TRIM50: variants seen among roughly 807,000 people sequenced by gnomAD.
The protein encoded by TRIM50 is E3 ubiquitin-protein ligase TRIM50.
A neutral mutation model predicts 44.9 loss-of-function variants in TRIM50; 34 were observed. The observed-to-expected ratio is 0.76, with a 90% CI of 0.58 to 1.01. TRIM50 has a LOEUF of 1.01. Among genes scored for constraint, TRIM50 ranks in the 50% least tolerant of loss-of-function variants. TRIM50 has a pLI of 0.00. For synonymous variants in TRIM50, 307 were observed against 291.1 expected (o/e 1.05, Z -0.56); for missense variants, 633 against 663.7 (o/e 0.95, Z 0.51).
chr7:73,315,048 CA>C, intron 6 of TRIM50: 1 of 341,810 alleles, frequency 2.9e-6, no homozygotes, highest in Non-Finnish European at 5.6e-6. Flanking sequence ...ACTTGGAAGA[CA>C]AAGGAGCTTG....
At chr7:73,317,640 A>C (rs1372981315) in intron 5 of TRIM50, among the ~76,000 whole-genome samples, 3 of 151,892 alleles carry the variant, frequency 2.0e-5, no homozygotes, top group Non-Finnish European at 2.9e-5. Context: ...TTACAGGTGT[A>C]AGCCGCCATG....
intron 3 of TRIM50, among the ~76,000 whole-genome samples, chr7:73,319,900 T>C (rs1369696899): frequency 1.2e-4 from 18 of 152,142 alleles, no homozygotes; most frequent in Non-Finnish European, 2.4e-4. Flanking sequence ...CCCCTGAGAC[T>C]CAAGTCCTGG....
At chr7:73,322,752 G>A (rs756658964) in intron 2 of TRIM50, among the ~76,000 whole-genome samples, 8 of 152,100 alleles carry the variant, frequency 5.3e-5, no homozygotes, top group Non-Finnish European at 1.2e-4. Context: ...GTCATCATCA[G>A]TGTCTTCCCT....
rs1804457425 is a variant in TRIM50 at position 73,320,054 on chromosome 7, C to A, written c.495+93G>T. 5 of 1,602,046 alleles carry A rather than the reference C, an allele frequency of 3.1e-6. No individual in the cohort carries two copies. The South Asian group carries it at 5.5e-5, about 18-fold the overall frequency. Reference sequence around the variant, plus strand: ...TTGAGTTCTGGCTTTATATGGAAGGCATGGTTTTCTGTAAAGGACCAATGA... The same window carrying A: ...TTGAGTTCTGGCTTTATATGGAAGGAATGGTTTTCTGTAAAGGACCAATGA... On this transcript the variant is annotated intron_variant, in intron 3 of 6. Coordinates refer to ENST00000333149, the MANE Select transcript of TRIM50 (RefSeq NM_178125.3).
At position 73,313,415 on chromosome 7, in the gene TRIM50, G is replaced by C; in HGVS notation, c.970C>G (p.Arg324Gly). ...AAGCGCTCAGGCTGGCTGGCTCGCCGCTGGGCCAGAAGCCCGCACTGCACC... is the reference window on the plus strand; with the variant it reads ...AAGCGCTCAGGCTGGCTGGCTCGCCCCTGGGCCAGAAGCCCGCACTGCACC... ...TVVQCGLLAQ[R>G]RASQPERFDY... Residue 324 changes from arginine (R) to glycine (G), a missense_variant, in exon 7 of 7, where the codon CGG becomes GGG. Arg to Gly is a moderately radical substitution (Grantham distance 125). Coordinates refer to ENST00000333149, the MANE Select transcript of TRIM50 (RefSeq NM_178125.3). This position sits in a 1 kb window ranked among gnomAD's most constrained non-coding sequence, Gnocchi z 4.9. The C allele has an allele frequency of 6.4e-7, 1 of 1,572,450 alleles. No individual in the cohort carries two copies. Among genetic ancestry groups the C allele is most frequent in the Non-Finnish European group, 8.6e-7 (1 of 1,163,572 alleles).
At chr7:73,324,931 T>C in intron 1 of TRIM50, 126 bp from the exon 2 acceptor site, 1 of 1,477,218 alleles carries the variant, frequency 6.8e-7, no homozygotes, top group African/African-American at 1.4e-5. Flanking sequence ...TGGATCCCAG[T>C]CCTAACCCAC....
rs1804250211 is a variant in TRIM50, at chr7:73,312,803, G to C, written c.*118C>G. On this transcript the variant is annotated 3_prime_UTR_variant, in exon 7 of 7. Coordinates refer to ENST00000333149, the MANE Select transcript of TRIM50 (RefSeq NM_178125.3). ...TCATTACATGTTCCAGGGACACACAGGCCTGAAGACCTTCCTAAACAGTGA... is the reference window on the plus strand; with the variant it reads ...TCATTACATGTTCCAGGGACACACACGCCTGAAGACCTTCCTAAACAGTGA... The C allele has an allele frequency of 1.3e-6, 1 of 755,502 alleles. No individual in the cohort carries two copies. Among genetic ancestry groups the C allele is most frequent in the Admixed American group, 3.0e-5 (1 of 33,770 alleles). 46.8% of individuals were successfully genotyped at this position (755,502 alleles called of 1,614,324 possible).
At chr7:73,324,272 C>T (rs2115773524) in intron 2 of TRIM50, 117 bp downstream of exon 2, 1 of 1,550,992 alleles carries the variant, frequency 6.4e-7, no homozygotes, top group South Asian at 1.2e-5. Flanking sequence ...CGCCAGGGCA[C>T]AGCTGCAGGG....
intron 1 of TRIM50, among the ~76,000 whole-genome samples, chr7:73,326,404 C>CTTT (rs36063137): frequency 4.3e-5 from 6 of 138,898 alleles, no homozygotes; most frequent in African/African-American, 7.9e-5. Flanking sequence ...AGCCTGGCCT[C>CTTT]TTTTTTTTTT....
chr7:73,317,728 C>T lies in TRIM50; in HGVS notation c.749+959G>A, dbSNP rs533766497. ...AAGACTAAAAGAAATGTGAGAAACACGGAGTCTCCCATAAACAGGGAGTGA... is the reference window on the plus strand; with the variant it reads ...AAGACTAAAAGAAATGTGAGAAACATGGAGTCTCCCATAAACAGGGAGTGA... On this transcript the variant is annotated intron_variant, in intron 5 of 6. Coordinates refer to ENST00000333149, the MANE Select transcript of TRIM50 (RefSeq NM_178125.3). Among the ~76,000 whole-genome samples the T allele has an allele frequency of 2.6e-5, 4 of 152,246 alleles. No individual in the cohort carries two copies. In the South Asian group the frequency reaches 6.2e-4, roughly 24 times the overall value.
In TRIM50 at chr7:73,313,563, C is replaced by T. The variant is rs1366859982; in HGVS notation, c.875-53G>A. 9.2e-6 allele frequency: 13 copies of T among 1,409,270 alleles called. No homozygotes were observed. The highest frequency in any genetic ancestry group is 1.2e-5 in the Non-Finnish European group (13 of 1,070,786). 87.3% of individuals were successfully genotyped at this position (1,409,270 alleles called of 1,614,324 possible). A position where few individuals can be genotyped will look rare whatever the true frequency, so the allele number is the denominator to read the frequency against. ...GAGGCCACGTGGAGGGCAGCAGACCCGGCCCACAGAAGCTGATGGAGGCCC... is the reference window on the plus strand; with the variant it reads ...GAGGCCACGTGGAGGGCAGCAGACCTGGCCCACAGAAGCTGATGGAGGCCC... On this transcript the variant is annotated intron_variant, in intron 6 of 6. Coordinates refer to ENST00000333149, the MANE Select transcript of TRIM50 (RefSeq NM_178125.3). This position sits in a 1 kb window ranked among gnomAD's most constrained non-coding sequence, Gnocchi z 4.9.
intron 1 of TRIM50, among the ~76,000 whole-genome samples, chr7:73,325,891 G>A (rs1439084068): frequency 7.4e-6 from 1 of 134,464 alleles, no homozygotes; most frequent in Non-Finnish European, 1.6e-5. Flanking sequence ...GGGCGGGGGG[G>A]CTGGGGGGTG....
Position 73,313,651 on chromosome 7 carries a change from G to C in TRIM50, c.875-141C>G. 1.6e-6 allele frequency: 1 copy of C among 643,344 alleles called. No individual in the cohort carries two copies. The highest frequency in any genetic ancestry group is 2.6e-6 in the Non-Finnish European group (1 of 379,324). The allele number at this position is 643,344 out of a possible 1,614,324, so 39.9% of individuals were successfully genotyped here. Reference sequence around the variant, plus strand: ...TCTCTAGCCCCAGGGTCTAGAAGGGGCCAGTACAGGGCTGCTCCCTGAATG... The same window carrying C: ...TCTCTAGCCCCAGGGTCTAGAAGGGCCCAGTACAGGGCTGCTCCCTGAATG... On this transcript the variant is annotated intron_variant, in intron 6 of 6. Coordinates refer to ENST00000333149, the MANE Select transcript of TRIM50 (RefSeq NM_178125.3). This position sits in a 1 kb window ranked among gnomAD's most constrained non-coding sequence, Gnocchi z 4.9.
intron 5 of TRIM50, 54 bp downstream of exon 5, chr7:73,318,633 A>G (rs1306867878): frequency 1.2e-6 from 2 of 1,611,962 alleles, no homozygotes; most frequent in East Asian, 4.5e-5. Context: ...TGGAGCTGAG[A>G]TGCCCGTGCC....
chr7:73,325,891 G>T (rs1439084068), intron 1 of TRIM50, among the ~76,000 whole-genome samples: 1 of 134,464 alleles, frequency 7.4e-6, no homozygotes, highest in African/African-American at 2.7e-5. Flanking sequence ...GGGCGGGGGG[G>T]CTGGGGGGTG....
At chr7:73,316,465 T>C (rs1804360496) in intron 6 of TRIM50, 100 bp downstream of exon 6, 2 of 1,503,184 alleles carry the variant, frequency 1.3e-6, no homozygotes, top group Admixed American at 2.0e-5. Context: ...CAAACCTCCA[T>C]CTGAGTTCTC....
At position 73,324,822 on chromosome 7, in the gene TRIM50, C is replaced by A; in HGVS notation, c.-18-17G>T. ...CTGCCCGGGCTGAAACACAGGCATC[C>A]GACCTCAGTCCTGTCCCCTCCCCTC... is the stretch of plus-strand genomic sequence containing the variant. On this transcript the variant is annotated splice_polypyrimidine_tract_variant and intron_variant, in intron 1 of 6. Transcript: ENST00000333149. The A allele has an allele frequency of 1.9e-6, 3 of 1,612,330 alleles. No individual in the cohort carries two copies. The highest frequency in any genetic ancestry group is 2.5e-6 in the Non-Finnish European group (3 of 1,179,750).
Position 73,313,433 on chromosome 7 carries a change from A to G in TRIM50, c.952T>C (p.Cys318Arg). ...GCTCGCCGCTGGGCCAGAAGCCCGC[A>G]CTGCACCACCGTGTTGCCCTTGGAG... Reference protein sequence around the residue: ...ELSKGNTVVQCGLLAQRRASQ... With the variant: ...ELSKGNTVVQRGLLAQRRASQ... The change falls in exon 7 of 7, where the codon TGC becomes CGC. Residue 318 changes from cysteine (C) to arginine (R), a missense_variant. By Grantham distance (180) the Cys-to-Arg change is radical. Transcript: ENST00000333149. The surrounding 1 kb of genome is among the most constrained non-coding windows in gnomAD (Gnocchi z 4.9). 1 of 1,564,204 alleles carries G rather than the reference A, an allele frequency of 6.4e-7. No homozygotes were observed. Among genetic ancestry groups the G allele is most frequent in the Non-Finnish European group, 8.6e-7 (1 of 1,160,286 alleles).
rs1458093225 is a variant in TRIM50, at chr7:73,312,770, GT to G, written c.*150del. 4.6e-6 allele frequency: 3 copies of G among 653,868 alleles called. No individual in the cohort carries two copies. The highest frequency in any genetic ancestry group is 7.7e-6 in the Non-Finnish European group (3 of 390,736). 40.5% of individuals were successfully genotyped at this position (653,868 alleles called of 1,614,324 possible). A position where few individuals can be genotyped will look rare whatever the true frequency, so the allele number is the denominator to read the frequency against. On this transcript the variant is annotated 3_prime_UTR_variant, in exon 7 of 7. Coordinates refer to ENST00000333149, the MANE Select transcript of TRIM50 (RefSeq NM_178125.3). ...CTGAGGGGAAAGGGACTGGGGTCCT[GT>G]TCCCTATCATTACATGTTCCAGGGA... is the stretch of plus-strand genomic sequence containing the variant.
Sources: gnomAD v4.1 joint callset for allele counts (sites outside exome capture counted in the v4.1 genomes callset) on GRCh38, gnomAD v4.1.1 for gene constraint, Gnocchi (gnomAD v3.1) non-coding constraint, MANE v1.5 for transcripts, NCBI Gene and HGNC (gene_info 2026-07-23, HGNC 2026-07-21) for gene names.